Variants in IL17B observed in about 807,000 individuals in gnomAD.
IL17B encodes interleukin-17B.
In IL17B, 14 loss-of-function variants were observed where a neutral mutation model predicts 14.7. That is an observed-to-expected ratio of 0.95 (90% CI 0.63 to 1.49). The LOEUF is 1.49. Among genes scored for constraint, IL17B ranks in the 40% most tolerant of loss-of-function variants. The probability of loss-of-function intolerance (pLI) is 0.00; values close to 1 mark genes in which losing one functional copy is unlikely to be tolerated. For synonymous variants in IL17B, 105 were observed against 94.8 expected, an observed-to-expected ratio of 1.11 and a Z score of -0.62; for missense variants, 233 against 252.8, an observed-to-expected ratio of 0.92 and a Z score of 0.53.
chr5:149,385,147 A>G (rs62378150), intron 1 of IL17B, among the ~76,000 whole-genome samples: 1 of 151,388 alleles, frequency 6.6e-6, no homozygotes, highest in Non-Finnish European at 1.5e-5. Flanking sequence ...TTCCTGACCT[A>G]GAGTTCGACA....
At chr5:149,382,713 C>T (rs1758728496), upstream of IL17B, among the ~76,000 whole-genome samples, 1 of 152,228 alleles carries the variant, frequency 6.6e-6, no homozygotes, top group Non-Finnish European at 1.5e-5. Context: ...AGTTGGTCAG[C>T]TGGTCATTGA....
intron 1 of IL17B, among the ~76,000 whole-genome samples, chr5:149,388,311 C>T (rs959845236): frequency 2.6e-5 from 4 of 152,194 alleles, no homozygotes; most frequent in African/African-American, 9.7e-5. Context: ...TTCTTGTCTT[C>T]CATATTGGGA....
At chr5:149,379,380 C>G, upstream of IL17B, 1 of 829,212 alleles carries the variant, frequency 1.2e-6, no homozygotes, top group Non-Finnish European at 1.9e-6. Context: ...AGCTGGGAGC[C>G]TTGGGCCCCC....
At chr5:149,393,707 C>A (rs1051239524) in intron 1 of IL17B, among the ~76,000 whole-genome samples, 2 of 152,042 alleles carry the variant, frequency 1.3e-5, no homozygotes, top group Non-Finnish European at 2.9e-5. Context: ...CCTTCCTCCA[C>A]AATGTATCCT....
chr5:149,378,611 C>G (rs1333215686), intron 1 of IL17B, among the ~76,000 whole-genome samples: 1 of 152,266 alleles, frequency 6.6e-6, no homozygotes, highest in Non-Finnish European at 1.5e-5. Context: ...CCCAGCAAGT[C>G]TTGACCCTAG....
intron 1 of IL17B, among the ~76,000 whole-genome samples, chr5:149,392,369 G>A (rs188331970): frequency 7.6e-4 from 116 of 152,296 alleles, no homozygotes; most frequent in African/African-American, 2.4e-3. Context: ...TGGCACTTCC[G>A]TGCAGTGGAA....
intron 1 of IL17B, among the ~76,000 whole-genome samples, chr5:149,386,960 C>T (rs1230286282): frequency 1.3e-5 from 2 of 152,210 alleles, no homozygotes; most frequent in East Asian, 3.8e-4. Context: ...CCCGCCTCAG[C>T]GTCCCAAAGT....
intron 1 of IL17B, among the ~76,000 whole-genome samples, chr5:149,394,031 A>G (rs1759042954): frequency 6.6e-6 from 1 of 152,222 alleles, no homozygotes; most frequent in Non-Finnish European, 1.5e-5. Context: ...ATTTATTTAT[A>G]GATTTAAAGG....
At chr5:149,399,946 C>A (rs1759174364) in intron 1 of IL17B, among the ~76,000 whole-genome samples, 1 of 152,126 alleles carries the variant, frequency 6.6e-6, no homozygotes, top group Non-Finnish European at 1.5e-5. Context: ...TCCCAGACTT[C>A]CAGTGGTTCT....
At chr5:149,399,864 G>C (rs1476772035) in intron 1 of IL17B, among the ~76,000 whole-genome samples, 1 of 152,156 alleles carries the variant, frequency 6.6e-6, no homozygotes, top group Non-Finnish European at 1.5e-5. Context: ...TTAGGTCAGG[G>C]GTTTGGTGGA....
upstream of IL17B, among the ~76,000 whole-genome samples, chr5:149,381,248 T>C (rs1444542242): frequency 6.6e-6 from 1 of 152,206 alleles, no homozygotes; most frequent in African/African-American, 2.4e-5. Flanking sequence ...ACTTGTCAGC[T>C]TCCCCTGCTC....
chr5:149,379,908 C>CA (rs1758646884), upstream of IL17B, among the ~76,000 whole-genome samples: 1 of 152,186 alleles, frequency 6.6e-6, no homozygotes, highest in South Asian at 2.1e-4. Context: ...CTCTATCCAC[C>CA]ACCCCATGTT....
At chr5:149,396,985 G>A (rs1442349714) in intron 1 of IL17B, among the ~76,000 whole-genome samples, 4 of 152,092 alleles carry the variant, frequency 2.6e-5, no homozygotes, top group South Asian at 2.1e-4. Flanking sequence ...GCAGGAGAGG[G>A]TTCTTGTATT....
intron 1 of IL17B, among the ~76,000 whole-genome samples, chr5:149,400,399 G>T (rs1451226136): frequency 6.6e-6 from 1 of 152,098 alleles, no homozygotes; most frequent in Non-Finnish European, 1.5e-5. Flanking sequence ...CACTTATCTC[G>T]GACTTCTAGC....
chr5:149,403,471 G>C (rs1428092025), intron 1 of IL17B, among the ~76,000 whole-genome samples: 1 of 152,118 alleles, frequency 6.6e-6, no homozygotes, highest in African/African-American at 2.4e-5. Flanking sequence ...ATCACTAATT[G>C]TCCATATTCC....
At chr5:149,400,875 C>T in intron 1 of IL17B, among the ~76,000 whole-genome samples, 2 of 152,296 alleles carry the variant, frequency 1.3e-5, no homozygotes, top group Middle Eastern at 6.8e-3. Context: ...GAAGAAGACA[C>T]ATGTTCCAGC....
At chr5:149,392,934 ACGTGCGTGTGTG>A (rs1039258865) in intron 1 of IL17B, among the ~76,000 whole-genome samples, 13 of 91,952 alleles carry the variant, frequency 1.4e-4, no homozygotes, top group Admixed American at 4.1e-4. Flanking sequence ...ATGTGTGTGT[ACGTGCGTGTGTG>A]CGTGCGTGTG....
At chr5:149,380,010 A>G (rs1758649468), upstream of IL17B, among the ~76,000 whole-genome samples, 1 of 152,162 alleles carries the variant, frequency 6.6e-6, no homozygotes, top group South Asian at 2.1e-4. Context: ...TTTCAGATCC[A>G]TGAGGACTTA....
intron 1 of IL17B, among the ~76,000 whole-genome samples, chr5:149,394,187 G>A (rs920093127): frequency 5.3e-5 from 8 of 152,102 alleles, no homozygotes; most frequent in East Asian, 1.9e-4. Context: ...TAACAGTTAC[G>A]CGCAGATGAA....
Sources: allele counts gnomAD v4.1 joint callset (sites outside exome capture counted in the v4.1 genomes callset), GRCh38; gene constraint gnomAD v4.1.1; transcripts MANE v1.5; gene names NCBI Gene and HGNC (gene_info 2026-07-23, HGNC 2026-07-21).